Variants in PDK1 observed in about 807,000 individuals in gnomAD.
PDK1 encodes the protein [Pyruvate dehydrogenase (acetyl-transferring)] kinase isozyme 1, mitochondrial.
PDK1 carries 39 observed loss-of-function variants against 54.2 expected under a neutral mutation model. The ratio of observed to expected loss-of-function variants is 0.72; its 90% CI spans 0.56 to 0.94. The LOEUF is 0.94. Among genes scored for constraint, PDK1 ranks in the 40% least tolerant of loss-of-function variants. The pLI is 0.00. For missense variants in PDK1, 552 were observed against 566.0 expected, an observed-to-expected ratio of 0.98 and a Z score of 0.25; for synonymous variants, 221 against 207.1, an observed-to-expected ratio of 1.07 and a Z score of -0.58.
At chr2:172,570,533 G>T in intron 7 of PDK1, 193 bp from the exon 8 acceptor site, 1 of 438,172 alleles carries the variant, frequency 2.3e-6, no homozygotes, top group Non-Finnish European at 4.0e-6. Context: ...GAGTCTTTAG[G>T]TCAGAATATC....
At chr2:172,567,339 G>A (rs2149218768) in intron 6 of PDK1, among the ~76,000 whole-genome samples, 1 of 152,308 alleles carries the variant, frequency 6.6e-6, no homozygotes, top group South Asian at 2.1e-4. Flanking sequence ...TTATAAAAGA[G>A]GAAAGAAAGA....
intron 2 of PDK1, among the ~76,000 whole-genome samples, chr2:172,559,589 C>T (rs930103174): frequency 6.6e-6 from 1 of 151,954 alleles, no homozygotes; most frequent in African/African-American, 2.4e-5. Context: ...GCTCTGTTGC[C>T]CAGGCTGGAG....
the PDK1 span, among the ~76,000 whole-genome samples, chr2:172,691,983 G>T: frequency 6.6e-6 from 1 of 152,210 alleles, no homozygotes; most frequent in Non-Finnish European, 1.5e-5. Flanking sequence ...GAACCTTGGT[G>T]TATTTTTTAA....
At chr2:172,557,526 G>A (rs1688402751) in intron 1 of PDK1, among the ~76,000 whole-genome samples, 1 of 151,988 alleles carries the variant, frequency 6.6e-6, no homozygotes, top group Admixed American at 6.6e-5. Context: ...CAATTGAATA[G>A]GACCTACTTG....
At chr2:172,688,970 C>T in the PDK1 span, among the ~76,000 whole-genome samples, 5 of 151,874 alleles carry the variant, frequency 3.3e-5, no homozygotes, top group Non-Finnish European at 5.9e-5. Flanking sequence ...AAAGGTGGCC[C>T]GGACCCAAAG....
chr2:172,647,514 CAA>C, the PDK1 span, among the ~76,000 whole-genome samples: 1 of 152,174 alleles, frequency 6.6e-6, no homozygotes, highest in African/African-American at 2.4e-5. Flanking sequence ...CTAAAATAAA[CAA>C]TGATAGCATT....
chr2:172,695,061 T>C, the PDK1 span, among the ~76,000 whole-genome samples: 240 of 152,252 alleles, frequency 1.6e-3, no homozygotes, highest in African/African-American at 5.5e-3. Flanking sequence ...GAGGCTGCAG[T>C]GAGCCTATAT....
At chr2:172,710,076 C>T in the PDK1 span, among the ~76,000 whole-genome samples, 5 of 152,274 alleles carry the variant, frequency 3.3e-5, no homozygotes, top group African/African-American at 1.2e-4. Flanking sequence ...TCTGGGTATG[C>T]AGCCAGGGGA....
chr2:172,570,692 G>T, intron 7 of PDK1, 34 bp from the exon 8 acceptor site: 1 of 1,238,230 alleles, frequency 8.1e-7, no homozygotes, highest in East Asian at 2.3e-5. Context: ...TTTCTAAAAA[G>T]CTGTATTTTT....
At chr2:172,679,870 G>T in the PDK1 span, among the ~76,000 whole-genome samples, 1 of 151,914 alleles carries the variant, frequency 6.6e-6, no homozygotes, top group African/African-American at 2.4e-5. Flanking sequence ...AGGGTTTTGG[G>T]TTTTTTTTAG....
At chr2:172,632,608 C>G in the PDK1 span, among the ~76,000 whole-genome samples, 1 of 152,154 alleles carries the variant, frequency 6.6e-6, no homozygotes, top group African/African-American at 2.4e-5. Context: ...TTAATGACAT[C>G]TAATAGTCAT....
the PDK1 span, among the ~76,000 whole-genome samples, chr2:172,673,596 T>TC: frequency 6.6e-6 from 1 of 152,184 alleles, no homozygotes; most frequent in Admixed American, 6.5e-5. Context: ...CCCTCTCCTG[T>TC]CCTGCTCATG....
In PDK1 at chr2:172,603,664, A is replaced by G. The variant is rs1329838576; in HGVS notation, c.*7695A>G. The G allele has an allele frequency of 6.6e-6, 1 of 152,210 alleles. No individual in the cohort carries two copies. Among genetic ancestry groups the G allele is most frequent in the Non-Finnish European group, 1.5e-5 (1 of 68,062 alleles). 9.4% of individuals were successfully genotyped at this position (152,210 alleles called of 1,614,324 possible). ...TAGATAGGACTTAGTGTGGCCCCTT[A>G]AAGAGCAAGGTCCAAGTGATTTTCT... On this transcript the variant is annotated 3_prime_UTR_variant, in exon 11 of 11. Transcript: ENST00000282077.
At chr2:172,646,735 CTTT>C in the PDK1 span, among the ~76,000 whole-genome samples, 77 of 72,052 alleles carry the variant, frequency 1.1e-3, 1 homozygote, top group Admixed American at 0.011. Flanking sequence ...CTTGCATTTC[CTTT>C]TTTTTTTTTT....
upstream of PDK1, chr2:172,555,828 C>A (rs557846020): frequency 3.5e-3 from 877 of 248,526 alleles, 9 homozygotes; most frequent in African/African-American, 0.017. Context: ...GACACGCTCA[C>A]CCCACACCTC....
chr2:172,702,604 C>CTTTTTT, the PDK1 span, among the ~76,000 whole-genome samples: 1 of 139,774 alleles, frequency 7.2e-6, no homozygotes, highest in Admixed American at 7.1e-5. Context: ...TCCTAACTGC[C>CTTTTTT]TTTTTTTTTT....
the PDK1 span, among the ~76,000 whole-genome samples, chr2:172,619,500 T>TTA: frequency 6.6e-6 from 1 of 151,912 alleles, no homozygotes; most frequent in African/African-American, 2.4e-5. Flanking sequence ...TTTTTTTTTT[T>TTA]AATCTAAAAG....
chr2:172,564,032 C>T (rs1317162553), intron 3 of PDK1: 1 of 471,200 alleles, frequency 2.1e-6, no homozygotes, highest in Non-Finnish European at 4.4e-6. Flanking sequence ...TAAGTGTTTC[C>T]TTCTCTCTTT....
chr2:172,556,295 T>C lies in PDK1; in HGVS notation c.145T>C (p.Tyr49His). Reference protein sequence around the residue: ...ERGVPGQVDFYARFSPSPLSM... With the variant: ...ERGVPGQVDFHARFSPSPLSM... ...CGGCGTTCCGGGCCAGGTGGACTTC[T>C]ACGCGCGCTTCTCGCCGTCCCCGCT... Residue 49 changes from tyrosine to histidine, a missense_variant, in exon 1 of 11, where the codon TAC (tyrosine) becomes CAC (histidine). By Grantham distance (83) the Tyr-to-His change is moderately conservative. Coordinates refer to ENST00000282077, the MANE Select transcript of PDK1 (RefSeq NM_002610.5). 6.6e-7 allele frequency: 1 copy of C among 1,510,126 alleles called. No individual in the cohort carries two copies. Among genetic ancestry groups the C allele is most frequent in the South Asian group, 1.3e-5 (1 of 79,438 alleles). The allele number at this position is 1,510,126 out of a possible 1,614,324, so 93.5% of individuals were successfully genotyped here.
Sources: allele counts gnomAD v4.1 joint callset (sites outside exome capture counted in the v4.1 genomes callset), GRCh38; gene constraint gnomAD v4.1.1; transcripts MANE v1.5; gene names NCBI Gene and HGNC (gene_info 2026-07-23, HGNC 2026-07-21).